Variants in GRM1 observed in about 807,000 individuals in gnomAD.
GRM1 encodes the protein metabotropic glutamate receptor 1.
Under a neutral mutation model 90.9 loss-of-function variants are expected in GRM1, and 33 were observed. The observed-to-expected ratio is 0.36, with a 90% CI of 0.28 to 0.49. The LOEUF is 0.49. GRM1 is among the 20% of genes least tolerant of loss of function. The probability of loss-of-function intolerance (pLI) is 0.99; values close to 1 mark genes in which losing one functional copy is unlikely to be tolerated. For missense variants in GRM1, 1,190 were observed against 1,534.3 expected (o/e 0.78, Z 3.75); for synonymous variants, 700 against 613.2 (o/e 1.14, Z -2.09).
intron 7 of GRM1, among the ~76,000 whole-genome samples, chr6:146,423,278 CT>C (rs1260695767): frequency 6.6e-6 from 1 of 152,230 alleles, no homozygotes; most frequent in African/African-American, 2.4e-5. Context: ...CAACCTCTTT[CT>C]CTCAGTTTTT....
intron 1 of GRM1, among the ~76,000 whole-genome samples, chr6:146,113,006 C>A (rs932594544): frequency 9.2e-5 from 14 of 152,088 alleles, no homozygotes; most frequent in Non-Finnish European, 1.9e-4. Flanking sequence ...TTCTGTTTTC[C>A]TCCTCTTAAG....
chr6:146,367,886 A>G (rs545426929), intron 5 of GRM1, among the ~76,000 whole-genome samples: 10 of 152,254 alleles, frequency 6.6e-5, no homozygotes, highest in Admixed American at 2.6e-4. Context: ...ACATGAATAC[A>G]TGTGTCTTCT....
intron 1 of GRM1, among the ~76,000 whole-genome samples, chr6:146,102,684 T>G (rs1386610319): frequency 6.6e-6 from 1 of 152,208 alleles, no homozygotes; most frequent in Non-Finnish European, 1.5e-5. Context: ...CTTTTTGGGA[T>G]ACAGTAACTA....
intron 6 of GRM1, among the ~76,000 whole-genome samples, chr6:146,392,239 C>G (rs1162712855): frequency 6.6e-6 from 1 of 152,118 alleles, no homozygotes; most frequent in East Asian, 1.9e-4. Context: ...AACTTCTGCC[C>G]TAGCTAACCC....
intron 2 of GRM1, among the ~76,000 whole-genome samples, chr6:146,258,007 T>A (rs980925198): frequency 6.6e-6 from 1 of 152,170 alleles, no homozygotes; most frequent in Non-Finnish European, 1.5e-5. Flanking sequence ...AAAATAGTTT[T>A]TTTCTAAGAA....
intron 4 of GRM1, among the ~76,000 whole-genome samples, chr6:146,356,641 A>G (rs9376987): frequency 0.047 from 7,219 of 152,264 alleles, 214 homozygotes; most frequent in East Asian, 0.11. Context: ...GTCTATCTTA[A>G]TAAATCCCCA....
chr6:146,396,970 C>A (rs563315659), intron 6 of GRM1, among the ~76,000 whole-genome samples: 1 of 152,226 alleles, frequency 6.6e-6, no homozygotes, highest in South Asian at 2.1e-4. Flanking sequence ...GCAACAAGAG[C>A]TCAGTAAAAT....
chr6:146,104,873 A>C (rs565626310), intron 1 of GRM1, among the ~76,000 whole-genome samples: 2 of 152,354 alleles, frequency 1.3e-5, no homozygotes, highest in East Asian at 3.9e-4. Flanking sequence ...TTAGTTAAAC[A>C]TGTAGTGCTT....
At chr6:146,331,787 A>G (rs1367159625) in intron 3 of GRM1, among the ~76,000 whole-genome samples, 1 of 152,140 alleles carries the variant, frequency 6.6e-6, no homozygotes. Context: ...CTAATCCCAA[A>G]CATGTTTATT....
intron 2 of GRM1, among the ~76,000 whole-genome samples, chr6:146,269,018 A>T (rs1782017352): frequency 6.6e-6 from 1 of 152,204 alleles, no homozygotes; most frequent in Non-Finnish European, 1.5e-5. Flanking sequence ...TCTTCATCAG[A>T]GTTCTAATTT....
chr6:146,285,417 G>A (rs9497521), intron 2 of GRM1, among the ~76,000 whole-genome samples: 9,819 of 152,156 alleles, frequency 0.065, 439 homozygotes, highest in African/African-American at 0.12. Context: ...GACAAACACC[G>A]TAACCTGTAG....
chr6:146,259,022 A>G (rs2114785322), intron 2 of GRM1, among the ~76,000 whole-genome samples: 2 of 152,156 alleles, frequency 1.3e-5, no homozygotes, highest in Admixed American at 1.3e-4. Flanking sequence ...GCCTGGCTGT[A>G]CTCCTGGGGC....
chr6:146,326,749 T>C (rs1215225772), intron 3 of GRM1, among the ~76,000 whole-genome samples: 1 of 152,210 alleles, frequency 6.6e-6, no homozygotes, highest in African/African-American at 2.4e-5. Context: ...AGACTATTTA[T>C]TTAACCAAAA....
rs569380153 is a variant in GRM1, at chr6:146,364,979, T to C, written c.1602+7285T>C. On this transcript the variant is annotated intron_variant, in intron 5 of 7. Coordinates refer to ENST00000282753, the MANE Select transcript of GRM1 (RefSeq NM_001278064.2). ...TTTGTGAATCAAAACAAACTAACCA[T>C]CTAAATCATATAGTTAATGTAACCA... The C allele has an allele frequency of 3.9e-5, 6 of 152,260 alleles. No individual in the cohort carries two copies. The South Asian group carries it at 1.2e-3, about 32-fold the overall frequency. The allele number at this position is 152,260 out of a possible 1,614,324, so 9.4% of individuals were successfully genotyped here.
At chr6:146,198,516 T>G (rs1779197293) in intron 2 of GRM1, among the ~76,000 whole-genome samples, 1 of 152,268 alleles carries the variant, frequency 6.6e-6, no homozygotes, top group South Asian at 2.1e-4. Context: ...AGTGGTGACT[T>G]CAGCTGCCAA....
rs1775428982 is a variant in GRM1, at chr6:146,360,544, G to A, written c.1602+2850G>A. On this transcript the variant is annotated intron_variant, in intron 5 of 7. Coordinates refer to ENST00000282753, the MANE Select transcript of GRM1 (RefSeq NM_001278064.2). ...TGAGGCAACTCAAAGGTGACCAACA[G>A]CAGCATCTACTCCCACTCCAGAGCT... Among the ~76,000 whole-genome samples the A allele has an allele frequency of 2.6e-5, 4 of 152,238 alleles. No homozygotes were observed. In the South Asian group the frequency reaches 8.3e-4, roughly 32 times the overall value.
At chr6:146,363,660 G>T (rs543414518) in intron 5 of GRM1, among the ~76,000 whole-genome samples, 1 of 152,204 alleles carries the variant, frequency 6.6e-6, no homozygotes, top group East Asian at 1.9e-4. Context: ...CCTTCCTGTT[G>T]CTTTATACAG....
chr6:146,231,406 C>T (rs566093654), intron 2 of GRM1, among the ~76,000 whole-genome samples: 155 of 152,110 alleles, frequency 1.0e-3, no homozygotes, highest in African/African-American at 3.4e-3. Flanking sequence ...TTCCACTGAC[C>T]GGAATTTGCA....
intron 1 of GRM1, among the ~76,000 whole-genome samples, chr6:146,076,504 A>G (rs1270020065): frequency 6.6e-6 from 1 of 152,164 alleles, no homozygotes; most frequent in African/African-American, 2.4e-5. Flanking sequence ...TTTTGAAGAT[A>G]TAGCTCGAAG....
Sources: allele counts gnomAD v4.1 joint callset (sites outside exome capture counted in the v4.1 genomes callset), GRCh38; gene constraint gnomAD v4.1.1; transcripts MANE v1.5; gene names NCBI Gene and HGNC (gene_info 2026-07-23, HGNC 2026-07-21).